Variants in PCDHGA1 observed in about 807,000 individuals in gnomAD.
PCDHGA1 encodes the protein protocadherin gamma subfamily A, 1, also known as protocadherin gamma-A1.
Under a neutral mutation model 58.0 loss-of-function variants are expected in PCDHGA1, and 32 were observed. The observed-to-expected ratio is 0.55, with a 90% CI of 0.42 to 0.74. PCDHGA1 has a LOEUF of 0.74. PCDHGA1 is among the 30% of genes least tolerant of loss of function. The pLI, the probability that PCDHGA1 is intolerant of heterozygous loss-of-function variation, is 0.00. For missense variants in PCDHGA1, 1,205 were observed against 1,182.3 expected, an observed-to-expected ratio of 1.02 and a Z score of -0.28; for synonymous variants, 498 against 501.1, an observed-to-expected ratio of 0.99 and a Z score of 0.08.
rs757278712 is a variant in PCDHGA1 at position 141,331,540 on chromosome 5, C to G, written c.856C>G (p.His286Asp). Reference sequence around the variant, plus strand: ...AACGTACTCCTTTCACAATGTAGACCACAGAGTGGCCCAAATATTTCGTTT... The same window carrying G: ...AACGTACTCCTTTCACAATGTAGACGACAGAGTGGCCCAAATATTTCGTTT... ...EVTYSFHNVD[H>D]RVAQIFRLDS... Residue 286 changes from histidine to aspartate, a missense_variant, in exon 1 of 4, where the codon CAC becomes GAC. His to Asp is a moderately conservative substitution (Grantham distance 81). Transcript: ENST00000517417. 5 of 1,613,978 alleles carry G rather than the reference C, an allele frequency of 3.1e-6. No homozygotes were observed. In the African/African-American group the frequency reaches 6.7e-5, roughly 22 times the overall value.
intron 1 of PCDHGA1, chr5:141,413,532 A>C (rs1269070438): frequency 9.9e-6 from 16 of 1,613,788 alleles, no homozygotes; most frequent in Non-Finnish European, 1.2e-5. Context: ...ACAGGGTGAA[A>C]CTTTTTGGGA....
chr5:141,440,077 C>T (rs983267885), intron 1 of PCDHGA1: 1 of 152,424 alleles, frequency 6.6e-6, no homozygotes, highest in Non-Finnish European at 1.5e-5. Flanking sequence ...AGGAATAATA[C>T]TTCATTCTAA....
At position 141,376,592 on chromosome 5, in the gene PCDHGA1, C is replaced by T. The variant is rs373550079; in HGVS notation, c.2421+43487C>T. 8 of 1,565,128 alleles carry T rather than the reference C, an allele frequency of 5.1e-6. No individual in the cohort carries two copies. In the East Asian group the frequency reaches 1.4e-4, roughly 27 times the overall value. On this transcript the variant is annotated intron_variant, in intron 1 of 3. Coordinates refer to ENST00000517417, the MANE Select transcript of PCDHGA1 (RefSeq NM_018912.3). ...CAGACAGGCTCATCAGCTAGATCGG[C>T]TGTTATAGAAGCGAACCTCTTTTGG...
Position 141,487,071 on chromosome 5 carries a change from C to A in PCDHGA1, c.2422-7736C>A. On this transcript the variant is annotated intron_variant, in intron 1 of 3. Coordinates refer to ENST00000517417, the MANE Select transcript of PCDHGA1 (RefSeq NM_018912.3). The surrounding 1 kb of genome is among the most constrained non-coding windows in gnomAD (Gnocchi z 5.0). ...GCTGGGGAGGTGCGGACGGCTGTTC[C>A]TATCCCAGCTGACCTCCCACCACAG... is the stretch of plus-strand genomic sequence containing the variant. The A allele has an allele frequency of 6.2e-7, 1 of 1,614,148 alleles. No individual in the cohort carries two copies. Among genetic ancestry groups the A allele is most frequent in the Non-Finnish European group, 8.5e-7 (1 of 1,180,002 alleles).
rs1195826961 is a variant in PCDHGA1, at chr5:141,350,170, G to A, written c.2421+17065G>A. The A allele has an allele frequency of 3.2e-6, 4 of 1,240,960 alleles. No individual in the cohort carries two copies. In the African/African-American group the frequency reaches 6.1e-5, roughly 19 times the overall value. The allele number at this position is 1,240,960 out of a possible 1,614,324, so 76.9% of individuals were successfully genotyped here. ...TCACCCTCGAGCGCCTAACTAATAA[G>A]TCCTAAGCTCAAATCACAGAAGTCC... is the stretch of plus-strand genomic sequence containing the variant. On this transcript the variant is annotated intron_variant, in intron 1 of 3. Coordinates refer to ENST00000517417, the MANE Select transcript of PCDHGA1 (RefSeq NM_018912.3).
intron 1 of PCDHGA1, chr5:141,350,142 T>A: frequency 2.4e-6 from 2 of 831,992 alleles, no homozygotes; most frequent in Non-Finnish European, 3.4e-6. Flanking sequence ...ACGCTGCTCC[T>A]GTTCACCCTC....
At chr5:141,395,156 T>C in intron 1 of PCDHGA1, 4 of 1,614,114 alleles carry the variant, frequency 2.5e-6, no homozygotes, top group East Asian at 4.5e-5. Context: ...TGCTCATCAG[T>C]CAGGAGGGCT....
Position 141,490,142 on chromosome 5 carries a change from C to A in PCDHGA1, c.2422-4665C>A. On this transcript the variant is annotated intron_variant, in intron 1 of 3. Coordinates refer to ENST00000517417, the MANE Select transcript of PCDHGA1 (RefSeq NM_018912.3). This position sits in a 1 kb window ranked among gnomAD's most constrained non-coding sequence, Gnocchi z 5.4. The stretch of plus-strand genomic sequence containing the variant: ...TTTGGCCTAGACCCTAGCAGTGGGG[C>A]AATCCATGTGTTGGGTCCCATAGAC... The A allele has an allele frequency of 1.9e-6, 3 of 1,614,220 alleles. No individual in the cohort carries two copies. The highest frequency in any genetic ancestry group is 2.7e-5 in the African/African-American group (2 of 75,060).
intron 1 of PCDHGA1, chr5:141,421,044 C>CGCCT (rs891153203): frequency 6.4e-5 from 35 of 548,614 alleles, no homozygotes; most frequent in African/African-American, 6.0e-4. Context: ...CTCCCTCCCC[C>CGCCT]GCCTCTACCA....
At chr5:141,424,080 C>T (rs2096798143) in intron 1 of PCDHGA1, 1 of 970,378 alleles carries the variant, frequency 1.0e-6, no homozygotes, top group Admixed American at 6.0e-5. Context: ...AGTTATATTC[C>T]ACCATTATTT....
chr5:141,491,293 C>T lies in PCDHGA1; in HGVS notation c.2422-3514C>T. On this transcript the variant is annotated intron_variant, in intron 1 of 3. Transcript: ENST00000517417. This position sits in a 1 kb window ranked among gnomAD's most constrained non-coding sequence, Gnocchi z 6.9. Reference sequence around the variant, plus strand: ...ATCCAGTGACTTCCTCATACACCCTCCTGAGCGTTCAGACCTTACCCTTTA... The same window carrying T: ...ATCCAGTGACTTCCTCATACACCCTTCTGAGCGTTCAGACCTTACCCTTTA... 6.2e-7 allele frequency: 1 copy of T among 1,614,166 alleles called. No homozygotes were observed. The highest frequency in any genetic ancestry group is 1.3e-5 in the African/African-American group (1 of 75,058).
chr5:141,377,955 G>T (rs557013488), intron 1 of PCDHGA1: 12 of 152,140 alleles, frequency 7.9e-5, no homozygotes, highest in African/African-American at 2.9e-4. Flanking sequence ...GTGTATCCAG[G>T]GCAACTTGAA....
At chr5:141,502,368 G>A (rs2099813930) in intron 2 of PCDHGA1, among the ~76,000 whole-genome samples, 1 of 151,996 alleles carries the variant, frequency 6.6e-6, no homozygotes, top group East Asian at 1.9e-4. Context: ...TATTTTTAAA[G>A]AGTCCAGGCC....
chr5:141,372,811 TGA>T (rs1193015568), intron 1 of PCDHGA1: 2 of 1,586,454 alleles, frequency 1.3e-6, no homozygotes, highest in Admixed American at 1.8e-5. Flanking sequence ...TTGCAAAAGG[TGA>T]GTTTCTTCAA....
Position 141,382,863 on chromosome 5 carries a change from C to G in PCDHGA1, c.2421+49758C>G, listed in dbSNP as rs1214467888. 4 of 1,516,660 alleles carry G rather than the reference C, an allele frequency of 2.6e-6. No homozygotes were observed. The South Asian group carries it at 4.0e-5, about 15-fold the overall frequency. The allele number at this position is 1,516,660 out of a possible 1,614,324, so 94.0% of individuals were successfully genotyped here. On this transcript the variant is annotated intron_variant, in intron 1 of 3. Coordinates refer to ENST00000517417, the MANE Select transcript of PCDHGA1 (RefSeq NM_018912.3). ...ATACACCCGCATTCTGAAGCACTTC[C>G]CGAGATCGGCGCCTAAGCAAGAGAA... is the stretch of plus-strand genomic sequence containing the variant.
At chr5:141,420,359 A>G in intron 1 of PCDHGA1, 1 of 1,378,858 alleles carries the variant, frequency 7.3e-7, no homozygotes, top group Non-Finnish European at 9.6e-7. Flanking sequence ...TTAAGATTCT[A>G]GATAACTTCT....
chr5:141,416,817 C>T (rs1197915095), intron 1 of PCDHGA1: 1 of 151,958 alleles, frequency 6.6e-6, no homozygotes, highest in Non-Finnish European at 1.5e-5. Flanking sequence ...AAAAAGCATT[C>T]CGAAGTTTCT....
rs994740663 is a variant in PCDHGA1, at chr5:141,477,022, G to T, written c.2422-17785G>T. ...TATTCGCCTTAGACCTTGTAACCGG[G>T]ATGCTGACAATCAAGGGTCGGCTGG... On this transcript the variant is annotated intron_variant, in intron 1 of 3. Transcript: ENST00000517417. The surrounding 1 kb of genome is among the most constrained non-coding windows in gnomAD (Gnocchi z 4.9). 6.2e-7 allele frequency: 1 copy of T among 1,614,240 alleles called. No homozygotes were observed. Among genetic ancestry groups the T allele is most frequent in the African/African-American group, 1.3e-5 (1 of 75,074 alleles).
chr5:141,410,628 T>G (rs758174899), intron 1 of PCDHGA1: 1 of 1,602,040 alleles, frequency 6.2e-7, no homozygotes, highest in South Asian at 1.1e-5. Context: ...TCGGTGAGTT[T>G]CTCTTTTTTG....
Sources: allele counts gnomAD v4.1 joint callset (sites outside exome capture counted in the v4.1 genomes callset), GRCh38; gene constraint gnomAD v4.1.1; non-coding constraint Gnocchi (gnomAD v3.1); transcripts MANE v1.5; gene names NCBI Gene and HGNC (gene_info 2026-07-23, HGNC 2026-07-21).